The following LRRFIP1 variants were observed in gnomAD, a reference collection of about 807,000 sequenced individuals.
The protein encoded by LRRFIP1 is LRR binding FLII interacting protein 1, also known as leucine-rich repeat flightless-interacting protein 1.
Under a neutral mutation model 104.4 loss-of-function variants are expected in LRRFIP1, and 62 were observed. The ratio of observed to expected loss-of-function variants is 0.59; its 90% CI spans 0.48 to 0.73. The LOEUF is 0.73. Among genes scored for constraint, LRRFIP1 ranks in the 30% least tolerant of loss-of-function variants. The pLI is 0.00. For synonymous variants in LRRFIP1, 300 were observed against 299.0 expected, an observed-to-expected ratio of 1.00 and a Z score of -0.03; for missense variants, 796 against 824.5, an observed-to-expected ratio of 0.97 and a Z score of 0.42.
intron 1 of LRRFIP1, among the ~76,000 whole-genome samples, chr2:237,676,965 C>T (rs1167858831): frequency 6.6e-6 from 1 of 152,250 alleles, no homozygotes; most frequent in Non-Finnish European, 1.5e-5. Context: ...TGGCTTTCGT[C>T]TTCCTCCTTT....
At chr2:237,726,408 T>C (rs1031591031) in intron 7 of LRRFIP1, among the ~76,000 whole-genome samples, 2 of 152,126 alleles carry the variant, frequency 1.3e-5, no homozygotes, top group African/African-American at 2.4e-5. Context: ...ACAGCACCCG[T>C]CCCCCGGATA....
intron 2 of LRRFIP1, among the ~76,000 whole-genome samples, chr2:237,708,954 T>G (rs546395792): frequency 3.9e-4 from 60 of 152,352 alleles, no homozygotes; most frequent in African/African-American, 1.4e-3. Flanking sequence ...AGAATCTAGA[T>G]CCTCTGGATT....
chr2:237,765,368 C>T, intron 19 of LRRFIP1: 1 of 567,154 alleles, frequency 1.8e-6, no homozygotes, highest in Non-Finnish European at 2.2e-6. Flanking sequence ...GCCAGGAGTT[C>T]AAGGCTGCAG....
At chr2:237,672,588 A>C (rs1401552598) in intron 1 of LRRFIP1, among the ~76,000 whole-genome samples, 3 of 152,230 alleles carry the variant, frequency 2.0e-5, no homozygotes, top group African/African-American at 7.2e-5. Flanking sequence ...TCAAAATGGA[A>C]AGAAAGCAGG....
chr2:237,707,064 G>C (rs1294567763), intron 1 of LRRFIP1, among the ~76,000 whole-genome samples: 1 of 152,134 alleles, frequency 6.6e-6, no homozygotes, highest in Non-Finnish European at 1.5e-5. Flanking sequence ...TGATAAAGGA[G>C]CCAAGCGAAT....
chr2:237,697,291 G>A (rs2093254818), intron 1 of LRRFIP1, among the ~76,000 whole-genome samples: 1 of 152,132 alleles, frequency 6.6e-6, no homozygotes, highest in Non-Finnish European at 1.5e-5. Flanking sequence ...CCAAAGTGCT[G>A]GGATTACAGG....
In LRRFIP1 at chr2:237,772,138, C is replaced by A; in HGVS notation, c.1567C>A (p.Leu523Ile). ...ERQKIGKLDN[L>I]RSEDDVLENG... ...ACAGAAGATTGGCAAACTAGACAAT[C>A]TTCGATCTGAAGATGATGTCTTGGA... Residue 523 changes from leucine (L) to isoleucine (I), a missense_variant, in exon 21 of 24, where the codon CTT (leucine) becomes ATT (isoleucine). Physicochemically the swap from Leu to Ile is conservative, Grantham distance 5. Transcript: ENST00000308482. 6.2e-7 allele frequency: 1 copy of A among 1,613,966 alleles called. No homozygotes were observed.
chr2:237,654,611 C>T (rs777060464), intron 1 of LRRFIP1, among the ~76,000 whole-genome samples: 11 of 151,350 alleles, frequency 7.3e-5, no homozygotes, highest in Non-Finnish European at 1.0e-4. Flanking sequence ...AGTGCAATGG[C>T]GCAATCTCTG....
intron 23 of LRRFIP1, among the ~76,000 whole-genome samples, chr2:237,777,214 C>G (rs2061166973): frequency 6.6e-6 from 1 of 152,166 alleles, no homozygotes; most frequent in African/African-American, 2.4e-5. Flanking sequence ...CTTCATAAAT[C>G]CCACTTATCA....
In LRRFIP1 at chr2:237,727,891, G is replaced by A. The variant is rs770401684; in HGVS notation, c.400G>A (p.Gly134Arg). ...GPYAWTNGYD[G>R]ELYGSQSLNR... ...ATTGAAACAGACAAATGGTTATGAT[G>A]GAGAATTGTATGGATCACAGTCCCT... Residue 134 changes from glycine to arginine, a missense_variant, in exon 8 of 24, where the codon GGA (glycine) becomes AGA (arginine). Gly to Arg is a moderately radical substitution (Grantham distance 125, BLOSUM62 -2). Transcript: ENST00000308482. 1.2e-6 allele frequency: 2 copies of A among 1,611,746 alleles called. No homozygotes were observed. Among genetic ancestry groups the A allele is most frequent in the East Asian group, 4.5e-5 (2 of 44,858 alleles).
intron 20 of LRRFIP1, among the ~76,000 whole-genome samples, chr2:237,771,221 T>A (rs1015501001): frequency 6.6e-6 from 1 of 150,762 alleles, no homozygotes; most frequent in Non-Finnish European, 1.5e-5. Flanking sequence ...GACTGTTAAC[T>A]GCAATTCCAA....
At position 237,757,150 on chromosome 2, in the gene LRRFIP1, C is replaced by T. The variant is rs531925675; in HGVS notation, c.1132-306C>T. Among the ~76,000 whole-genome samples the T allele has an allele frequency of 1.2e-4, 18 of 152,274 alleles. No individual in the cohort carries two copies. The South Asian group carries it at 3.5e-3, about 30-fold the overall frequency. ...GTGTTTTAAGCTGCTGAATTTATGA[C>T]GATTCATTACAATGGCAATAAGAAA... On this transcript the variant is annotated intron_variant, in intron 16 of 23. Coordinates refer to ENST00000308482, the MANE Select transcript of LRRFIP1 (RefSeq NM_001137550.2).
Position 237,727,920 on chromosome 2 carries a change from T to C in LRRFIP1, c.429T>C (p.Asn143=), listed in dbSNP as rs536842533. 5 of 1,611,606 alleles carry C rather than the reference T, an allele frequency of 3.1e-6. No individual in the cohort carries two copies. Among genetic ancestry groups the C allele is most frequent in the East Asian group, 4.5e-5 (2 of 44,820 alleles). The stretch of plus-strand genomic sequence containing the variant: ...AATTGTATGGATCACAGTCCCTGAA[T>C]AGAAGATCTGGCAGGGTTAGTATAG... ...DGELYGSQSL[N]RRSGRPSCLY... is the part of the protein sequence containing the mutation. Residue 143 remains asparagine (N), a synonymous_variant, in exon 8 of 24, where the codon AAT becomes AAC. Transcript: ENST00000308482.
chr2:237,658,561 AT>A (rs1336008558), intron 1 of LRRFIP1, among the ~76,000 whole-genome samples: 1 of 152,246 alleles, frequency 6.6e-6, no homozygotes, highest in Non-Finnish European at 1.5e-5. Flanking sequence ...TGGGTAATTT[AT>A]AAAGGAAAGA....
chr2:237,692,959 C>T (rs975294200), intron 1 of LRRFIP1, among the ~76,000 whole-genome samples: 1 of 152,206 alleles, frequency 6.6e-6, no homozygotes, highest in African/African-American at 2.4e-5. Context: ...TTGGAGCACT[C>T]AACCCGCTCA....
intron 1 of LRRFIP1, among the ~76,000 whole-genome samples, chr2:237,706,735 C>T (rs1000769652): frequency 6.6e-6 from 1 of 152,192 alleles, no homozygotes; most frequent in African/African-American, 2.4e-5. Context: ...TCCAGTGATC[C>T]TCCCACCTCA....
intron 11 of LRRFIP1, among the ~76,000 whole-genome samples, chr2:237,744,204 T>C (rs2057500392): frequency 6.6e-6 from 1 of 152,216 alleles, no homozygotes; most frequent in Non-Finnish European, 1.5e-5. Flanking sequence ...TGGTGGACTG[T>C]GCTATCATTT....
chr2:237,763,789 T>C, intron 19 of LRRFIP1: 1 of 1,614,136 alleles, frequency 6.2e-7, no homozygotes, highest in South Asian at 1.1e-5. Context: ...CGAGGGCTGG[T>C]GGTGAAGAAT....
intron 1 of LRRFIP1, among the ~76,000 whole-genome samples, chr2:237,692,731 C>A (rs1197396308): frequency 1.3e-5 from 2 of 152,208 alleles, no homozygotes; most frequent in East Asian, 3.9e-4. Flanking sequence ...AGGAAGCACG[C>A]TTTATTGTGG....
Sources: allele counts gnomAD v4.1 joint callset (sites outside exome capture counted in the v4.1 genomes callset), GRCh38; gene constraint gnomAD v4.1.1; transcripts MANE v1.5; gene names NCBI Gene and HGNC (gene_info 2026-07-23, HGNC 2026-07-21).